The following ROBO2 variants were observed in gnomAD, a reference collection of about 807,000 sequenced individuals.
The protein encoded by ROBO2 is roundabout homolog 2.
ROBO2 carries 53 observed loss-of-function variants against 160.8 expected under a neutral mutation model. That is an observed-to-expected ratio of 0.33 (90% CI 0.26 to 0.41). ROBO2 has a LOEUF of 0.41. Ranked by LOEUF, ROBO2 falls within the 10% of genes least tolerant of loss-of-function variation. ROBO2 has a pLI of 1.00. For missense variants in ROBO2, 1,577 were observed against 1,722.4 expected (o/e 0.92, Z 1.49); for synonymous variants, 664 against 611.7 (o/e 1.09, Z -1.26).
At chr3:77,005,417 A>G (rs939859497) in intron 2 of ROBO2, among the ~76,000 whole-genome samples, 1 of 152,170 alleles carries the variant, frequency 6.6e-6, no homozygotes, top group Non-Finnish European at 1.5e-5. Flanking sequence ...TTGTTGTTCA[A>G]TATGTTTTAT....
At chr3:76,919,978 G>C (rs557074507) in intron 2 of ROBO2, among the ~76,000 whole-genome samples, 4 of 152,096 alleles carry the variant, frequency 2.6e-5, no homozygotes, top group Non-Finnish European at 5.9e-5. Flanking sequence ...GAAATTGGAC[G>C]TAATAGATTT....
intron 2 of ROBO2, among the ~76,000 whole-genome samples, chr3:76,476,997 T>A (rs541581417): frequency 6.6e-6 from 1 of 152,170 alleles, no homozygotes; most frequent in South Asian, 2.1e-4. Context: ...CAGTACCAGG[T>A]TCATATTCTG....
chr3:76,661,525 A>T (rs1312091913), intron 2 of ROBO2, among the ~76,000 whole-genome samples: 1 of 152,194 alleles, frequency 6.6e-6, no homozygotes, highest in African/African-American at 2.4e-5. Context: ...ACAGGCAGAC[A>T]TCAATCAATA....
At chr3:77,582,381 A>T (rs1281879655) in intron 16 of ROBO2, among the ~76,000 whole-genome samples, 1 of 151,804 alleles carries the variant, frequency 6.6e-6, no homozygotes, top group Non-Finnish European at 1.5e-5. Flanking sequence ...CACCTCTCCT[A>T]GCCAGTCTTG....
chr3:77,609,821 T>C (rs1378381027), intron 21 of ROBO2, among the ~76,000 whole-genome samples: 1 of 148,272 alleles, frequency 6.7e-6, no homozygotes, highest in African/African-American at 2.4e-5. Context: ...TTTATATGTA[T>C]GTATGTAGTT....
chr3:76,986,587 A>G (rs2060394436), intron 2 of ROBO2, among the ~76,000 whole-genome samples: 1 of 152,150 alleles, frequency 6.6e-6, no homozygotes, highest in South Asian at 2.1e-4. Flanking sequence ...TAAGAATATT[A>G]CAATTTTTAA....
At chr3:77,256,123 GTTAT>G (rs1427850685) in intron 2 of ROBO2, among the ~76,000 whole-genome samples, 1 of 152,146 alleles carries the variant, frequency 6.6e-6, no homozygotes, top group Non-Finnish European at 1.5e-5. Flanking sequence ...TTGTCTGCAG[GTTAT>G]TTGTTTTTAG....
chr3:76,084,006 TGAGACTGCTG>T (rs2068924439), intron 2 of ROBO2, among the ~76,000 whole-genome samples: 1 of 152,140 alleles, frequency 6.6e-6, no homozygotes, highest in Non-Finnish European at 1.5e-5. Flanking sequence ...TTAATGGAAC[TGAGACTGCTG>T]GATATTGTGT....
chr3:77,230,630 C>A lies in ROBO2; in HGVS notation c.388+132290C>A, dbSNP rs567029065. On this transcript the variant is annotated intron_variant, in intron 2 of 25. Coordinates refer to ENST00000461745, the Ensembl canonical transcript of ROBO2. ...TACTTTTCTATTAGAATCATTCAAG[C>A]AAATCTCAAAGTTTTTATCTGAAAA... Among the ~76,000 whole-genome samples the A allele has an allele frequency of 9.6e-4, 146 of 152,262 alleles. 3 individuals are homozygous for A. Among genetic ancestry groups the A allele is most frequent in the Admixed American group, 1.5e-3 (23 of 15,288 alleles).
chr3:76,596,272 T>C (rs989632081), intron 2 of ROBO2, among the ~76,000 whole-genome samples: 2 of 152,116 alleles, frequency 1.3e-5, no homozygotes, highest in Non-Finnish European at 2.9e-5. Flanking sequence ...GGGAAACATA[T>C]ATTGAAATGG....
intron 2 of ROBO2, among the ~76,000 whole-genome samples, chr3:76,685,460 A>G (rs2107060432): frequency 6.6e-6 from 1 of 152,260 alleles, no homozygotes; most frequent in Admixed American, 6.6e-5. Context: ...AGAAATGGTC[A>G]AAGTATGAAA....
At chr3:76,183,021 C>T (rs937717671) in intron 2 of ROBO2, among the ~76,000 whole-genome samples, 1 of 152,028 alleles carries the variant, frequency 6.6e-6, no homozygotes, top group Non-Finnish European at 1.5e-5. Context: ...GGTGATTTTT[C>T]TGTTTCAAGT....
intron 4 of ROBO2, 139 bp from the exon 5 acceptor site, chr3:77,493,105 A>T (rs2086338073): frequency 1.2e-6 from 1 of 807,100 alleles, no homozygotes; most frequent in East Asian, 2.6e-5. Flanking sequence ...ACAAGGCCTT[A>T]TTAAAACACA....
intron 2 of ROBO2, among the ~76,000 whole-genome samples, chr3:77,009,539 A>G (rs2061755098): frequency 6.6e-6 from 1 of 152,192 alleles, no homozygotes; most frequent in Admixed American, 6.5e-5. Flanking sequence ...GATGTTCATA[A>G]CATTTTCTCA....
At chr3:75,934,725 C>T (rs536807847) in intron 1 of ROBO2, among the ~76,000 whole-genome samples, 2 of 152,030 alleles carry the variant, frequency 1.3e-5, no homozygotes, top group African/African-American at 2.4e-5. Flanking sequence ...ACCATCTGTC[C>T]TTTAAAATGT....
intron 2 of ROBO2, among the ~76,000 whole-genome samples, chr3:77,442,460 G>T (rs1473966689): frequency 1.3e-5 from 2 of 152,066 alleles, no homozygotes; most frequent in African/African-American, 4.8e-5. Flanking sequence ...TTCACCCAAT[G>T]AAAACCTTTT....
At chr3:76,636,563 G>C (rs1243881961) in intron 2 of ROBO2, among the ~76,000 whole-genome samples, 3 of 152,128 alleles carry the variant, frequency 2.0e-5, no homozygotes, top group Non-Finnish European at 4.4e-5. Flanking sequence ...TCCCAGCAAT[G>C]GTCCAAATTC....
intron 2 of ROBO2, among the ~76,000 whole-genome samples, chr3:76,302,455 A>G (rs1283808416): frequency 1.3e-5 from 2 of 152,034 alleles, no homozygotes; most frequent in African/African-American, 4.8e-5. Flanking sequence ...ATATTATAGT[A>G]CCCTAGAAGG....
At chr3:76,074,920 G>A (rs938656619) in intron 2 of ROBO2, among the ~76,000 whole-genome samples, 14 of 152,110 alleles carry the variant, frequency 9.2e-5, no homozygotes, top group African/African-American at 3.4e-4. Context: ...AATGATGGTA[G>A]TTGTATATAA....
Sources: allele counts gnomAD v4.1 joint callset (sites outside exome capture counted in the v4.1 genomes callset), GRCh38; gene constraint gnomAD v4.1.1; transcripts MANE v1.5; gene names NCBI Gene and HGNC (gene_info 2026-07-23, HGNC 2026-07-21).